IFT81: variants seen among roughly 807,000 people sequenced by gnomAD.
IFT81 encodes the protein intraflagellar transport 81, also known as intraflagellar transport protein 81 homolog.
In IFT81, 72 loss-of-function variants were observed where a neutral mutation model predicts 102.6. The observed-to-expected ratio is 0.70, with a 90% confidence interval of 0.58 to 0.85. The LOEUF is 0.85. Ranked by LOEUF, IFT81 falls within the 40% of genes least tolerant of loss-of-function variation. IFT81 has a pLI of 0.00. For missense variants in IFT81, 723 were observed against 787.3 expected (o/e 0.92, Z 0.98); for synonymous variants, 237 against 242.7 (o/e 0.98, Z 0.22).
chr12:110,199,303 A>G (rs1175998388), intron 14 of IFT81, among the ~76,000 whole-genome samples: 3 of 152,116 alleles, frequency 2.0e-5, no homozygotes. Flanking sequence ...GTGAGCTTTC[A>G]TTAACAGAGC....
intron 17 of IFT81, 27 bp from the exon 18 acceptor site, chr12:110,209,144 A>G: frequency 3.0e-6 from 4 of 1,342,104 alleles, no homozygotes; most frequent in Non-Finnish European, 4.2e-6. Context: ...AGTAAATTGA[A>G]AGTAAATCAT....
chr12:110,162,633 C>T (rs527938074), intron 10 of IFT81, among the ~76,000 whole-genome samples: 16 of 152,082 alleles, frequency 1.1e-4, no homozygotes. Flanking sequence ...CCATGCCTGG[C>T]CTAATATTTT....
At chr12:110,170,490 A>G (rs868292392) in intron 11 of IFT81, among the ~76,000 whole-genome samples, 6 of 152,176 alleles carry the variant, frequency 3.9e-5, no homozygotes, top group African/African-American at 1.4e-4. Context: ...GCCAGTAGCT[A>G]GTGATTTTAC....
intron 18 of IFT81, chr12:110,216,473 G>C (rs1870138905): frequency 2.2e-6 from 1 of 452,116 alleles, no homozygotes; most frequent in East Asian, 7.0e-5. Flanking sequence ...GGAATTACAG[G>C]TGTGAGTCAC....
Position 110,128,125 on chromosome 12 carries a change from A to G in IFT81, c.224A>G (p.Lys75Arg), listed in dbSNP as rs749821569. 13 of 1,611,320 alleles carry G rather than the reference A, an allele frequency of 8.1e-6. No homozygotes were observed. In the South Asian group the frequency reaches 1.3e-4, roughly 16 times the overall value. The part of the protein sequence containing the change: ...MLSLLGILKY[K>R]PSGNATDMST... ...AGCCTTCTTGGTATTCTTAAGTACA[A>G]ACCTTCAGGAAATGCCACAGATATG... is the stretch of plus-strand genomic sequence containing the variant. The change falls in exon 3 of 19, where the codon AAA becomes AGA. Residue 75 changes from lysine (K) to arginine (R), a missense_variant. By Grantham distance (26) the Lys-to-Arg change is conservative. Transcript: ENST00000242591.
chr12:110,161,507 G>A (rs1460151237), intron 10 of IFT81, among the ~76,000 whole-genome samples: 12 of 150,970 alleles, frequency 7.9e-5, no homozygotes, highest in Non-Finnish European at 1.5e-5. Flanking sequence ...GTAGTGGCAT[G>A]ATCATAGCTC....
chr12:110,144,195 G>T (rs1051538987), intron 9 of IFT81, among the ~76,000 whole-genome samples: 6 of 148,810 alleles, frequency 4.0e-5, no homozygotes, highest in Non-Finnish European at 9.0e-5. Flanking sequence ...TGTTGTTGTT[G>T]TTGTTTTTGT....
chr12:110,167,599 C>G (rs1320488959), intron 11 of IFT81, among the ~76,000 whole-genome samples: 6 of 151,964 alleles, frequency 3.9e-5, no homozygotes, highest in Non-Finnish European at 7.4e-5. Context: ...TAATATAAAT[C>G]TGGTTGAATT....
chr12:110,185,956 C>T (rs1189979168), intron 12 of IFT81, among the ~76,000 whole-genome samples: 1 of 152,092 alleles, frequency 6.6e-6, no homozygotes, highest in Non-Finnish European at 1.5e-5. Flanking sequence ...AGATTATCTA[C>T]CTGTTTACTC....
At chr12:110,160,782 T>C (rs980719571) in intron 10 of IFT81, among the ~76,000 whole-genome samples, 18 of 152,386 alleles carry the variant, frequency 1.2e-4, no homozygotes, top group African/African-American at 4.3e-4. Context: ...TGATTTTGTC[T>C]ATGAAAGCTA....
In IFT81 at chr12:110,129,079, G is replaced by A. The variant is rs1481278214; in HGVS notation, c.378G>A (p.Glu126=). 6.2e-7 allele frequency: 1 copy of A among 1,605,908 alleles called. No individual in the cohort carries two copies. The highest frequency in any genetic ancestry group is 1.1e-5 in the South Asian group (1 of 89,172). The change falls in exon 4 of 19, where the codon GAG becomes GAA. Residue 126 remains glutamate (E), a synonymous_variant. Transcript: ENST00000242591. ...AYLARFLIKL[E]VPSEFLQDET... is the part of the protein sequence containing the mutation. ...TAGCTCGTTTTTTAATAAAACTTGA[G>A]GTACCAAGTGAGTTTCTTCAGGATG...
At chr12:110,209,276 A>G (rs1177809593) in intron 18 of IFT81, 60 bp downstream of exon 18, 3 of 786,836 alleles carry the variant, frequency 3.8e-6, no homozygotes, top group Admixed American at 2.5e-5. Flanking sequence ...TCAGTACTGT[A>G]CATGGTTTAT....
intron 10 of IFT81, among the ~76,000 whole-genome samples, chr12:110,157,303 C>T (rs1895897939): frequency 6.6e-6 from 1 of 152,052 alleles, no homozygotes; most frequent in African/African-American, 2.4e-5. Context: ...GAGCCAAGAT[C>T]ATGCCATTGC....
intron 9 of IFT81, among the ~76,000 whole-genome samples, chr12:110,143,754 T>C (rs1895035922): frequency 6.6e-6 from 1 of 151,920 alleles, no homozygotes; most frequent in Non-Finnish European, 1.5e-5. Context: ...GAAAACATAA[T>C]CAATTGATTA....
intron 12 of IFT81, 22 bp from the exon 13 acceptor site, chr12:110,190,898 C>A: frequency 6.8e-7 from 1 of 1,480,016 alleles, no homozygotes; most frequent in Non-Finnish European, 9.0e-7. Context: ...TGTTTTGTGG[C>A]CTTTTTATTT....
chr12:110,147,100 ACCACTGG>A, intron 10 of IFT81, 52 bp downstream of exon 10: 2 of 1,398,802 alleles, frequency 1.4e-6, no homozygotes, highest in Non-Finnish European at 2.0e-6. Flanking sequence ...ATATTCATGA[ACCACTGG>A]CTGTGTTATC....
chr12:110,140,640 G>A (rs1283950484), intron 8 of IFT81, among the ~76,000 whole-genome samples: 2 of 152,190 alleles, frequency 1.3e-5, no homozygotes, highest in Non-Finnish European at 2.9e-5. Flanking sequence ...AGACAAAGAA[G>A]TCAGGATGTA....
chr12:110,157,839 A>G (rs908160767), intron 10 of IFT81, among the ~76,000 whole-genome samples: 2 of 152,098 alleles, frequency 1.3e-5, no homozygotes, highest in African/African-American at 4.8e-5. Context: ...TTTAATTTCA[A>G]TATTGCACTT....
At position 110,209,943 on chromosome 12, in the gene IFT81, C is replaced by T. The variant is rs1593377556; in HGVS notation, c.1848+727C>T. 2.6e-5 allele frequency among the ~76,000 whole-genome samples: 4 copies of T among 152,216 alleles called. No homozygotes were observed. The South Asian group carries it at 8.3e-4, about 32-fold the overall frequency. On this transcript the variant is annotated intron_variant, in intron 18 of 18. Transcript: ENST00000242591. ...AACCTTGCTTGAGATGCTCAGCTCC[C>T]TCCTGCCAGAGTTATCTGATGGCAA...
Sources: gnomAD v4.1 joint callset for allele counts (sites outside exome capture counted in the v4.1 genomes callset) on GRCh38, gnomAD v4.1.1 for gene constraint, MANE v1.5 for transcripts, NCBI Gene and HGNC (gene_info 2026-07-23, HGNC 2026-07-21) for gene names.